FGF12: variants seen among roughly 807,000 people sequenced by gnomAD.
FGF12 encodes fibroblast growth factor 12.
In FGF12, 14 loss-of-function variants were observed where a neutral mutation model predicts 23.6. The observed-to-expected ratio is 0.59, with a 90% CI of 0.39 to 0.93. The LOEUF is 0.93. Ranked by LOEUF, FGF12 falls within the 40% of genes least tolerant of loss-of-function variation. FGF12 has a pLI of 0.00. For synonymous variants in FGF12, 62 were observed against 77.3 expected, an observed-to-expected ratio of 0.80 and a Z score of 1.04; for missense variants, 175 against 217.8, an observed-to-expected ratio of 0.80 and a Z score of 1.24.
At chr3:192,643,126 G>C (rs1715867448) in intron 2 of FGF12, among the ~76,000 whole-genome samples, 1 of 152,154 alleles carries the variant, frequency 6.6e-6, no homozygotes, top group Non-Finnish European at 1.5e-5. Flanking sequence ...CAGACTTGGA[G>C]TTAAAATATC....
At chr3:192,286,586 TC>T (rs113002176) in intron 4 of FGF12, among the ~76,000 whole-genome samples, 3 of 151,942 alleles carry the variant, frequency 2.0e-5, no homozygotes, top group African/African-American at 7.2e-5. Context: ...TTAAATCGTC[TC>T]CCAAAAAGGC....
At chr3:192,571,942 GTTTT>G (rs5855435) in intron 2 of FGF12, among the ~76,000 whole-genome samples, 3 of 143,914 alleles carry the variant, frequency 2.1e-5, no homozygotes, top group African/African-American at 7.7e-5. Context: ...CACTATTGCT[GTTTT>G]TTTTTTTTTT....
intron 4 of FGF12, chr3:192,266,940 A>G (rs2108623704): frequency 6.6e-6 from 1 of 152,314 alleles, no homozygotes; most frequent in East Asian, 1.9e-4. Flanking sequence ...TTAAAGTAAA[A>G]GCAATAAAAA....
At chr3:192,604,190 A>G (rs1414357858) in intron 2 of FGF12, among the ~76,000 whole-genome samples, 2 of 152,010 alleles carry the variant, frequency 1.3e-5, no homozygotes, top group African/African-American at 4.8e-5. Context: ...TGTTCCCTAA[A>G]AATCGCTGTT....
intron 2 of FGF12, among the ~76,000 whole-genome samples, chr3:192,626,482 CAT>C (rs1299734584): frequency 6.6e-6 from 1 of 152,166 alleles, no homozygotes; most frequent in Non-Finnish European, 1.5e-5. Context: ...TAGACATTTG[CAT>C]GTCTTTTTCT....
chr3:192,210,582 C>T (rs1377025629), intron 4 of FGF12, among the ~76,000 whole-genome samples: 2 of 152,164 alleles, frequency 1.3e-5, no homozygotes, highest in African/African-American at 4.8e-5. Context: ...TACACAGTAA[C>T]CTAGGATTTT....
chr3:192,485,060 G>A (rs1294099295), intron 2 of FGF12, among the ~76,000 whole-genome samples: 1 of 151,430 alleles, frequency 6.6e-6, no homozygotes, highest in Admixed American at 6.6e-5. Flanking sequence ...AATTTTATAT[G>A]TGTACACATA....
chr3:192,164,306 G>C (rs569968047), intron 5 of FGF12, among the ~76,000 whole-genome samples: 3 of 152,200 alleles, frequency 2.0e-5, no homozygotes, highest in South Asian at 4.2e-4. Flanking sequence ...AAAATTCCAG[G>C]GGAGGGGACC....
intron 2 of FGF12, among the ~76,000 whole-genome samples, chr3:192,466,370 C>T (rs1037944652): frequency 6.6e-6 from 1 of 152,138 alleles, no homozygotes; most frequent in Non-Finnish European, 1.5e-5. Flanking sequence ...TCGAGATCCT[C>T]AGGAAAGCAC....
At chr3:192,613,313 T>A (rs527492377) in intron 2 of FGF12, among the ~76,000 whole-genome samples, 1 of 151,974 alleles carries the variant, frequency 6.6e-6, no homozygotes, top group Middle Eastern at 3.4e-3. Context: ...TTTATAGGAA[T>A]TGCTTTTATG....
At chr3:192,390,606 C>G (rs1720248619) in intron 2 of FGF12, among the ~76,000 whole-genome samples, 1 of 152,136 alleles carries the variant, frequency 6.6e-6, no homozygotes, top group South Asian at 2.1e-4. Context: ...TTATATGAAA[C>G]AGAAGCTGAT....
intron 4 of FGF12, among the ~76,000 whole-genome samples, chr3:192,274,311 A>G (rs954432412): frequency 6.6e-6 from 1 of 152,220 alleles, no homozygotes; most frequent in South Asian, 2.1e-4. Flanking sequence ...TTACAGTGAG[A>G]AAATCAGTGA....
intron 2 of FGF12, among the ~76,000 whole-genome samples, chr3:192,386,897 G>A (rs1417968182): frequency 6.6e-6 from 1 of 152,192 alleles, no homozygotes; most frequent in East Asian, 1.9e-4. Context: ...TTCAGGTACA[G>A]GGCTAGTGCC....
rs73064247 is a variant in FGF12, at chr3:192,403,903, G to A, written c.14-43365C>T. On this transcript the variant is annotated intron_variant, in intron 2 of 5. Coordinates refer to ENST00000445105, the MANE Select transcript of FGF12 (RefSeq NM_004113.6). ...TACTGTTAAACACTGTGCATCTACC[G>A]AAACAATGTAAAAGAATACTGAAAT... 8.1e-3 allele frequency among the ~76,000 whole-genome samples: 1,236 copies of A among 152,100 alleles called. 14 individuals carry two copies. The highest frequency in any genetic ancestry group is 0.028 in the African/African-American group (1,180 of 41,474).
chr3:192,694,663 C>T (rs1227621873), intron 2 of FGF12, among the ~76,000 whole-genome samples: 1 of 150,298 alleles, frequency 6.7e-6, no homozygotes, highest in African/African-American at 2.5e-5. Flanking sequence ...TATATGTACA[C>T]AGTAAAATAG....
chr3:192,679,692 A>G (rs1265656639), intron 2 of FGF12, among the ~76,000 whole-genome samples: 1 of 151,930 alleles, frequency 6.6e-6, no homozygotes, highest in African/African-American at 2.4e-5. Flanking sequence ...GGGAGGCCCC[A>G]GATCCCGTCC....
At chr3:192,345,897 T>G (rs916073362) in intron 3 of FGF12, among the ~76,000 whole-genome samples, 88 of 152,310 alleles carry the variant, frequency 5.8e-4, no homozygotes, top group African/African-American at 2.1e-3. Context: ...CACACTTATT[T>G]GAGTTGATTT....
chr3:192,539,823 T>C (rs1725321237), intron 2 of FGF12, among the ~76,000 whole-genome samples: 1 of 152,140 alleles, frequency 6.6e-6, no homozygotes, highest in Admixed American at 6.5e-5. Context: ...TTGATCTGCT[T>C]ATTTGTCATT....
At position 192,431,462 on chromosome 3, in the gene FGF12, T is replaced by C. The variant is rs927233295; in HGVS notation, c.14-70924A>G. ...AAAAGCATATAGCACTTTATTCTTG[T>C]ATTTCTATTGCCAATGTGACTAGAA... is the stretch of plus-strand genomic sequence containing the variant. On this transcript the variant is annotated intron_variant, in intron 2 of 5. Transcript: ENST00000445105. Among the ~76,000 whole-genome samples, 112 of 152,364 alleles carry C rather than the reference T, an allele frequency of 7.4e-4. 1 individual carries two copies. The highest frequency in any genetic ancestry group is 2.6e-3 in the African/African-American group (110 of 41,592).
Sources: allele counts gnomAD v4.1 joint callset (sites outside exome capture counted in the v4.1 genomes callset), GRCh38; gene constraint gnomAD v4.1.1; transcripts MANE v1.5; gene names NCBI Gene and HGNC (gene_info 2026-07-23, HGNC 2026-07-21).